SEMA3D: variants seen among roughly 807,000 people sequenced by gnomAD.
The protein encoded by SEMA3D is semaphorin 3D, also known as semaphorin-3D.
A neutral mutation model predicts 100.1 loss-of-function variants in SEMA3D; 84 were observed. The observed-to-expected ratio is 0.84, with a 90% CI of 0.70 to 1.01. The LOEUF (loss-of-function observed/expected upper bound fraction) is 1.01, where lower values mean the gene tolerates loss of function less well. Among genes scored for constraint, SEMA3D ranks in the 50% least tolerant of loss-of-function variants. The pLI is 0.00. For synonymous variants in SEMA3D, 312 were observed against 320.7 expected (o/e 0.97, Z 0.29); for missense variants, 875 against 934.1 (o/e 0.94, Z 0.82).
chr7:85,216,784 T>C, the SEMA3D span, among the ~76,000 whole-genome samples: 1 of 152,046 alleles, frequency 6.6e-6, no homozygotes, highest in African/African-American at 2.4e-5. Flanking sequence ...TGTTGTTTTC[T>C]GTAATTGTAA....
At chr7:85,231,743 C>G in the SEMA3D span, among the ~76,000 whole-genome samples, 1 of 152,098 alleles carries the variant, frequency 6.6e-6, no homozygotes, top group East Asian at 1.9e-4. Context: ...AGCCACTGCG[C>G]CAGGCCTGGG....
intron 4 of SEMA3D, 98 bp from the exon 5 acceptor site, chr7:85,081,677 G>T: frequency 2.5e-6 from 2 of 802,670 alleles, no homozygotes; most frequent in Non-Finnish European, 4.3e-6. Context: ...ATTGAAGAAT[G>T]AGTATTAAGC....
At chr7:85,139,673 T>C (rs1314140083) in intron 2 of SEMA3D, among the ~76,000 whole-genome samples, 1 of 152,072 alleles carries the variant, frequency 6.6e-6, no homozygotes, top group South Asian at 2.1e-4. Flanking sequence ...TTATTTTATG[T>C]CTCACTAAGA....
At chr7:85,122,392 G>A (rs1054227475) in intron 2 of SEMA3D, among the ~76,000 whole-genome samples, 7 of 152,078 alleles carry the variant, frequency 4.6e-5, no homozygotes, top group African/African-American at 1.7e-4. Context: ...TTAAGGACTG[G>A]CTTTGCTCAG....
chr7:85,003,672 A>T (rs2115725210), intron 18 of SEMA3D, among the ~76,000 whole-genome samples: 1 of 152,176 alleles, frequency 6.6e-6, no homozygotes, highest in East Asian at 1.9e-4. Context: ...ATTATTATTA[A>T]ATAAACATGC....
At position 84,999,543 on chromosome 7, in the gene SEMA3D, T is replaced by C. The variant is rs1584514076; in HGVS notation, c.2231A>G (p.Asn744Ser). The change falls in exon 19 of 19, where the codon AAC becomes AGC. Residue 744 changes from asparagine to serine, a missense_variant. Asn to Ser is a conservative substitution (Grantham distance 46, BLOSUM62 1). Coordinates refer to ENST00000284136, the MANE Select transcript of SEMA3D (RefSeq NM_001384900.1). ...GTGCTTCCACTTTGGGCCCCCCTTG[T>C]TTCTCTGTCTCCGCTTCTCCCTGTG... ...MWHREKRRQR[N>S]KGGPKWKHMQ... The C allele has an allele frequency of 6.2e-7, 1 of 1,614,146 alleles. No homozygotes were observed. The highest frequency in any genetic ancestry group is 2.2e-5 in the East Asian group (1 of 44,864).
At chr7:85,109,866 TG>T (rs1438710337) in intron 3 of SEMA3D, among the ~76,000 whole-genome samples, 9 of 152,110 alleles carry the variant, frequency 5.9e-5, no homozygotes, top group African/African-American at 2.2e-4. Flanking sequence ...TAAAAACTTT[TG>T]CTCCTCAATA....
intron 4 of SEMA3D, among the ~76,000 whole-genome samples, chr7:85,085,442 A>C (rs192369302): frequency 1.1e-3 from 172 of 152,344 alleles, no homozygotes; most frequent in African/African-American, 3.5e-3. Flanking sequence ...TTATTTAAAG[A>C]ATGACAAAAT....
intron 7 of SEMA3D, 81 bp from the exon 8 acceptor site, chr7:85,065,633 G>T: frequency 2.0e-6 from 2 of 1,002,052 alleles, no homozygotes; most frequent in Non-Finnish European, 3.0e-6. Context: ...TTCACAGCAT[G>T]ACACCAAAGA....
intron 1 of SEMA3D, among the ~76,000 whole-genome samples, chr7:85,181,131 G>A (rs1791390145): frequency 6.6e-6 from 1 of 152,072 alleles, no homozygotes; most frequent in African/African-American, 2.4e-5. Context: ...TTGATTACCT[G>A]GCTAAGATCG....
intron 2 of SEMA3D, among the ~76,000 whole-genome samples, chr7:85,134,824 A>C (rs987672201): frequency 3.3e-5 from 5 of 152,000 alleles, no homozygotes; most frequent in African/African-American, 9.7e-5. Context: ...ATATCATAAA[A>C]ACTCAAAAAC....
At chr7:85,046,068 A>G (rs957738268) in intron 9 of SEMA3D, among the ~76,000 whole-genome samples, 3 of 151,968 alleles carry the variant, frequency 2.0e-5, no homozygotes, top group African/African-American at 7.2e-5. Context: ...ATATAATGCC[A>G]GAGACTAAAG....
chr7:85,249,914 C>T, the SEMA3D span, among the ~76,000 whole-genome samples: 6 of 152,238 alleles, frequency 3.9e-5, no homozygotes, highest in South Asian at 2.1e-4. Flanking sequence ...CCAGCGTGAG[C>T]GACGCAGAAG....
At chr7:85,060,719 T>C (rs1791454996) in intron 8 of SEMA3D, among the ~76,000 whole-genome samples, 2 of 152,314 alleles carry the variant, frequency 1.3e-5, no homozygotes, top group African/African-American at 2.4e-5. Context: ...ATTTAATAGA[T>C]AGTAAGTTCC....
intron 16 of SEMA3D, 56 bp downstream of exon 16, chr7:85,015,003 T>G: frequency 5.4e-4 from 704 of 1,315,816 alleles, no homozygotes; most frequent in Non-Finnish European, 7.0e-4. Context: ...AGCATTAATG[T>G]GAGATATTCA....
At chr7:85,150,355 A>ATATG (rs2116487987) in intron 2 of SEMA3D, among the ~76,000 whole-genome samples, 1 of 141,642 alleles carries the variant, frequency 7.1e-6, no homozygotes, top group South Asian at 2.2e-4. Context: ...AAATATATAT[A>ATATG]TATATATATA....
intron 8 of SEMA3D, among the ~76,000 whole-genome samples, chr7:85,060,218 A>G (rs1384031878): frequency 1.3e-5 from 2 of 152,366 alleles, no homozygotes; most frequent in African/African-American, 4.8e-5. Flanking sequence ...TGTTGTATAA[A>G]GAAATTTAAT....
chr7:85,236,366 G>C, the SEMA3D span, among the ~76,000 whole-genome samples: 1 of 151,170 alleles, frequency 6.6e-6, no homozygotes, highest in Non-Finnish European at 1.5e-5. Flanking sequence ...GGAGTGCAGT[G>C]GCATGATCTC....
the SEMA3D span, among the ~76,000 whole-genome samples, chr7:85,239,933 A>G: frequency 1.3e-5 from 2 of 151,884 alleles, no homozygotes; most frequent in Admixed American, 1.3e-4. Flanking sequence ...ATTCTTTTTA[A>G]TTTTCTACAT....
Sources: allele counts gnomAD v4.1 joint callset (sites outside exome capture counted in the v4.1 genomes callset), GRCh38; gene constraint gnomAD v4.1.1; transcripts MANE v1.5; gene names NCBI Gene and HGNC (gene_info 2026-07-23, HGNC 2026-07-21).